The following NOC2L variants were observed in gnomAD, a reference collection of about 807,000 sequenced individuals.
The protein encoded by NOC2L is NOC2 like nucleolar associated transcriptional repressor.
NOC2L carries 101 observed loss-of-function variants against 94.2 expected under a neutral mutation model. The observed-to-expected ratio is 1.07, with a 90% CI of 0.91 to 1.26. The LOEUF (loss-of-function observed/expected upper bound fraction) is 1.26. Among genes scored for constraint, NOC2L ranks in the 50% most tolerant of loss-of-function variants. The probability of loss-of-function intolerance (pLI) is 0.00; values close to 1 mark genes in which losing one functional copy is unlikely to be tolerated. For synonymous variants in NOC2L, 531 were observed against 413.4 expected, an observed-to-expected ratio of 1.28 and a Z score of -3.45; for missense variants, 1,076 against 980.1, an observed-to-expected ratio of 1.10 and a Z score of -1.31.
In NOC2L at chr1:952,087, C is replaced by T; in HGVS notation, c.1244G>A (p.Trp415Ter). The change falls in exon 11 of 19, where the codon TGG (tryptophan) becomes TAG (stop). Residue 415 changes from tryptophan (W) to a stop codon, truncating the protein, a stop_gained. Coordinates refer to ENST00000327044, the MANE Select transcript of NOC2L (RefSeq NM_015658.4). LOFTEE classifies it high-confidence loss of function. Reference protein sequence around the residue: ...NWQYVHCLFLWCRVLSTAGPS... With the variant: ...NWQYVHCLFL ...GCCCGCAGTGCTCAGGACCCGGCAC[C>T]ACAGGAAGAGGCAGTGCACATACTG... 2 of 1,613,724 alleles carry T rather than the reference C, an allele frequency of 1.2e-6. No individual in the cohort carries two copies. Among genetic ancestry groups the T allele is most frequent in the Non-Finnish European group, 1.7e-6 (2 of 1,179,996 alleles).
At chr1:950,719 CACAG>C (rs555831110) in intron 12 of NOC2L, among the ~76,000 whole-genome samples, 123 of 152,204 alleles carry the variant, frequency 8.1e-4, no homozygotes, top group South Asian at 2.9e-3. Flanking sequence ...CGCATGCATG[CACAG>C]ACAAACGCAC....
At chr1:952,638 G>A (rs1198308647) in intron 9 of NOC2L, 38 bp from the exon 10 acceptor site, 2 of 1,605,130 alleles carry the variant, frequency 1.2e-6, no homozygotes, top group East Asian at 2.2e-5. Context: ...CTGGGATCAG[G>A]GCCATGCACC....
chr1:948,511 G>A lies in NOC2L; in HGVS notation c.1536C>T (p.Asn512=). ...FSVILKLSNV[N]LQEKAYRDGL... ...TCACCCGGTACGCCTTCTCCTGCAG[G>A]TTGACATTGGACAGCTTCAGGATCA... is the stretch of plus-strand genomic sequence containing the variant. Residue 512 remains asparagine (N), a synonymous_variant, in exon 13 of 19, where the codon AAC becomes AAT. Coordinates refer to ENST00000327044, the MANE Select transcript of NOC2L (RefSeq NM_015658.4). 7 of 1,613,242 alleles carry A rather than the reference G, an allele frequency of 4.3e-6. No individual in the cohort carries two copies. The highest frequency in any genetic ancestry group is 5.9e-6 in the Non-Finnish European group (7 of 1,179,636).
intron 9 of NOC2L, 152 bp downstream of exon 9, chr1:953,023 G>C (rs1198934008): frequency 3.1e-6 from 2 of 637,746 alleles, no homozygotes; most frequent in Admixed American, 5.2e-5. Flanking sequence ...CAGGTGCTCT[G>C]TGAGACATTC....
chr1:955,808 G>A (rs1009885923), intron 6 of NOC2L, 115 bp downstream of exon 6: 4 of 916,288 alleles, frequency 4.4e-6, no homozygotes, highest in South Asian at 1.5e-5. Context: ...GGGTCCCCAA[G>A]AAGACGCTGG....
chr1:944,914 C>T (rs943922221), intron 18 of NOC2L, 114 bp from the exon 19 acceptor site: 4 of 1,414,230 alleles, frequency 2.8e-6, no homozygotes, highest in African/African-American at 1.4e-5. Flanking sequence ...CTGTTGCTGG[C>T]TGCCAGAGAA....
At chr1:949,770 G>T (rs1642202932) in intron 12 of NOC2L, among the ~76,000 whole-genome samples, 1 of 152,182 alleles carries the variant, frequency 6.6e-6, no homozygotes, top group African/African-American at 2.4e-5. Context: ...GACCACTGCT[G>T]GCTGCCATGG....
At chr1:954,981 C>A (rs1163965935) in intron 6 of NOC2L, among the ~76,000 whole-genome samples, 1 of 152,276 alleles carries the variant, frequency 6.6e-6, no homozygotes, top group Non-Finnish European at 1.5e-5. Context: ...CCTCCTCACA[C>A]CTGTGCTGAC....
chr1:956,693 T>G (rs776987153), intron 4 of NOC2L, among the ~76,000 whole-genome samples: 15 of 152,172 alleles, frequency 9.9e-5, no homozygotes, highest in Non-Finnish European at 1.8e-4. Flanking sequence ...GTGTTGTCAC[T>G]TGCGCTGAAG....
In NOC2L at chr1:952,825, G is replaced by A. The variant is rs144701786; in HGVS notation, c.1003-225C>T. ...ACACTGGGCCCCTCTGGGGGCTGAG[G>A]GTCCCCACATGCAGGCCACCCATGG... On this transcript the variant is annotated intron_variant, in intron 9 of 18. Coordinates refer to ENST00000327044, the MANE Select transcript of NOC2L (RefSeq NM_015658.4). Among the ~76,000 whole-genome samples, 791 of 152,296 alleles carry A rather than the reference G, an allele frequency of 5.2e-3. 5 individuals are homozygous for A. The highest frequency in any genetic ancestry group is 0.048 in the Middle Eastern group (14 of 294).
At chr1:948,643 C>CAGGGTGACCAGGCA in intron 12 of NOC2L, 40 bp from the exon 13 acceptor site, 4 of 909,160 alleles carry the variant, frequency 4.4e-6, no homozygotes, top group Non-Finnish European at 5.7e-6. Flanking sequence ...GGCCCCATGC[C>CAGGGTGACCAGGCA]TGGTCACCCT....
chr1:956,866 C>T (rs1338201860), intron 4 of NOC2L, 28 bp downstream of exon 4: 2 of 1,612,060 alleles, frequency 1.2e-6, no homozygotes, highest in East Asian at 2.2e-5. Context: ...CCTGGGCACC[C>T]AGCTGCCCGC....
In NOC2L at chr1:952,586, C is replaced by T. The variant is rs780942173; in HGVS notation, c.1017G>A (p.Thr339=). 5.6e-6 allele frequency: 9 copies of T among 1,613,662 alleles called. No homozygotes were observed. The highest frequency in any genetic ancestry group is 5.0e-5 in the Admixed American group (3 of 60,006). ...AGGTGAACTTGCAGTTCCTCACATA[C>T]GTGATGTACATTTGCTGCGGAGAGA... is the stretch of plus-strand genomic sequence containing the variant. ...LGPVLKQMYI[T]YVRNCKFTSP... The change falls in exon 10 of 19, where the codon ACG becomes ACA. Residue 339 remains threonine, a synonymous_variant. Transcript: ENST00000327044.
At chr1:945,335 G>T in intron 17 of NOC2L, 183 bp downstream of exon 17, 1 of 949,004 alleles carries the variant, frequency 1.1e-6, no homozygotes, top group Non-Finnish European at 1.5e-6. Flanking sequence ...ATCCCAGTAG[G>T]CCTTCACTTC....
At chr1:957,803 C>A (rs1418442878) in intron 2 of NOC2L, 1 of 159,740 alleles carries the variant, frequency 6.3e-6, no homozygotes, top group Non-Finnish European at 1.4e-5. Flanking sequence ...AGAAGTAACT[C>A]CCTGTTTTAC....
intron 9 of NOC2L, among the ~76,000 whole-genome samples, chr1:952,931 C>T (rs530665783): frequency 6.6e-6 from 1 of 152,292 alleles, no homozygotes; most frequent in South Asian, 2.1e-4. Context: ...CCAGAGAGGC[C>T]CTCCCCTGGG....
intron 16 of NOC2L, 86 bp from the exon 17 acceptor site, chr1:945,739 C>T: frequency 1.9e-6 from 3 of 1,567,336 alleles, no homozygotes; most frequent in Non-Finnish European, 2.6e-6. Context: ...AGACCCACCA[C>T]CAGGGCCCCA....
chr1:953,248 C>A lies in NOC2L; in HGVS notation c.929G>T (p.Arg310Leu). Residue 310 changes from arginine to leucine, a missense_variant, in exon 9 of 19, where the codon CGG becomes CTG. Around this residue, in one of 3 missense-constraint regions of NOC2L, gnomAD observed 615 missense variants for 577.4 expected, o/e 1.07. Coordinates refer to ENST00000327044, the MANE Select transcript of NOC2L (RefSeq NM_015658.4). ...GCTGAGGACCAGGAAAGCCAGCACC[C>A]GCAGAGACTCTTCCCCAGTGCTCCA... is the stretch of plus-strand genomic sequence containing the variant. ...IVWSTGEESLRVLAFLVLSRV... is the reference protein window; with the variant it reads ...IVWSTGEESLLVLAFLVLSRV... The A allele has an allele frequency of 6.2e-7, 1 of 1,612,104 alleles. No individual in the cohort carries two copies. The highest frequency in any genetic ancestry group is 1.7e-5 in the Admixed American group (1 of 60,028).
rs780710259 is a variant in NOC2L, at chr1:951,997, C to T, written c.1331+3G>A. ...GCACAACCCTGCCCACCCCACAACT[C>T]ACTTGATACAGCCAATGATGACTTG... is the stretch of plus-strand genomic sequence containing the variant. On this transcript the variant is annotated splice_donor_region_variant and intron_variant, in intron 11 of 18. Transcript: ENST00000327044. 7 of 1,611,466 alleles carry T rather than the reference C, an allele frequency of 4.3e-6. No individual in the cohort carries two copies. In the Admixed American group the frequency reaches 1.0e-4, roughly 23 times the overall value.
Sources: gnomAD v4.1 joint callset for allele counts (sites outside exome capture counted in the v4.1 genomes callset) on GRCh38, gnomAD v4.1.1 for gene constraint, gnomAD v4.1.1 regional missense constraint, MANE v1.5 for transcripts, NCBI Gene and HGNC (gene_info 2026-07-23, HGNC 2026-07-21) for gene names.